The following TM7SF3 variants were observed in gnomAD, a reference collection of about 807,000 sequenced individuals.
TM7SF3 encodes the protein transmembrane 7 superfamily member 3, also known as seven span transmembrane protein.
A neutral mutation model predicts 65.5 loss-of-function variants in TM7SF3; 60 were observed. The ratio of observed to expected loss-of-function variants is 0.92; its 90% CI spans 0.74 to 1.14. The LOEUF (loss-of-function observed/expected upper bound fraction) is 1.14, where lower values mean the gene tolerates loss of function less well. TM7SF3 is among the 50% of genes most tolerant of loss of function. The pLI, the probability that TM7SF3 is intolerant of heterozygous loss-of-function variation, is 0.00. For missense variants in TM7SF3, 623 were observed against 684.8 expected (o/e 0.91, Z 1.01); for synonymous variants, 264 against 259.6 (o/e 1.02, Z -0.16).
At chr12:26,984,586 T>G (rs959906234) in intron 6 of TM7SF3, among the ~76,000 whole-genome samples, 22 of 152,204 alleles carry the variant, frequency 1.4e-4, no homozygotes, top group Admixed American at 1.4e-3. Context: ...TTTTCTCAAA[T>G]GAAAATCCCG....
At chr12:27,000,405 G>A (rs773036266) in intron 2 of TM7SF3, among the ~76,000 whole-genome samples, 2 of 152,084 alleles carry the variant, frequency 1.3e-5, no homozygotes, top group African/African-American at 2.4e-5. Context: ...TTCAGTTTTC[G>A]AGGTACCTTT....
At chr12:26,983,293 A>G (rs953896130) in intron 6 of TM7SF3, among the ~76,000 whole-genome samples, 1 of 152,174 alleles carries the variant, frequency 6.6e-6, no homozygotes, top group Non-Finnish European at 1.5e-5. Flanking sequence ...TAAAAGACAC[A>G]TCAACTAAAT....
At chr12:26,975,423 T>G (rs932000864) in intron 11 of TM7SF3, 73 bp downstream of exon 11, 65 of 1,502,120 alleles carry the variant, frequency 4.3e-5, no homozygotes, top group Non-Finnish European at 5.8e-5. Context: ...AGTTTCCAAG[T>G]GCTCTGGTTA....
At chr12:27,005,279 T>C (rs923198954) in intron 1 of TM7SF3, among the ~76,000 whole-genome samples, 3 of 152,190 alleles carry the variant, frequency 2.0e-5, no homozygotes, top group African/African-American at 7.2e-5. Context: ...TCACTTACTA[T>C]CCTGCCTTTT....
Position 26,972,428 on chromosome 12 carries a change from T to A in TM7SF3, c.*1537A>T, listed in dbSNP as rs1319419721. 1.3e-5 allele frequency: 2 copies of A among 152,178 alleles called. No individual in the cohort carries two copies. The highest frequency in any genetic ancestry group is 2.9e-5 in the Non-Finnish European group (2 of 68,030). 9.4% of individuals were successfully genotyped at this position (152,178 alleles called of 1,614,324 possible). ...ATTAATGGCAATACAGACTTTTTTT[T>A]TTTTTGAGACGGAGTCTCGCTCTGT... On this transcript the variant is annotated 3_prime_UTR_variant, in exon 12 of 12. Transcript: ENST00000343028.
chr12:27,006,941 T>C (rs1941061620), intron 1 of TM7SF3, among the ~76,000 whole-genome samples: 2 of 152,228 alleles, frequency 1.3e-5, no homozygotes, highest in Admixed American at 1.3e-4. Flanking sequence ...TGTGGAAGAC[T>C]ATTCCAGAAA....
At chr12:26,985,120 G>A (rs1211179978) in intron 6 of TM7SF3, among the ~76,000 whole-genome samples, 2 of 152,120 alleles carry the variant, frequency 1.3e-5, no homozygotes, top group Non-Finnish European at 2.9e-5. Context: ...CAGGCCTGGG[G>A]GCCTTTCTAT....
intron 1 of TM7SF3, among the ~76,000 whole-genome samples, chr12:27,003,894 C>T (rs953054568): frequency 1.3e-5 from 2 of 152,266 alleles, no homozygotes; most frequent in African/African-American, 4.8e-5. Context: ...TCCCCTTAAG[C>T]CTCAATTTCC....
chr12:26,973,098 G>C lies in TM7SF3; in HGVS notation c.*867C>G, dbSNP rs1939426804. 1 of 151,218 alleles carries C rather than the reference G, an allele frequency of 6.6e-6. No homozygotes were observed. Among genetic ancestry groups the C allele is most frequent in the Non-Finnish European group, 1.5e-5 (1 of 67,876 alleles). 9.4% of individuals were successfully genotyped at this position (151,218 alleles called of 1,614,324 possible). On this transcript the variant is annotated 3_prime_UTR_variant, in exon 12 of 12. Coordinates refer to ENST00000343028, the MANE Select transcript of TM7SF3 (RefSeq NM_016551.3). ...TAAAAAATACTGAAAAAAAAACAAA[G>C]GGTAACTTTTGGATAATGTATGATA...
chr12:26,992,485 C>T (rs1161925535), intron 5 of TM7SF3, among the ~76,000 whole-genome samples: 1 of 152,138 alleles, frequency 6.6e-6, no homozygotes, highest in East Asian at 1.9e-4. Flanking sequence ...AGGGTTTCAC[C>T]CTGTTAGCCA....
In TM7SF3 at chr12:26,972,376, A is replaced by C. The variant is rs1374370569; in HGVS notation, c.*1589T>G. On this transcript the variant is annotated 3_prime_UTR_variant, in exon 12 of 12. Transcript: ENST00000343028. ...AGCTAATTGAGCAGAAAGAACTATG[A>C]AGTACAAATTTTTCTAAGGTTTTCT... 1 of 152,108 alleles carries C rather than the reference A, an allele frequency of 6.6e-6. No homozygotes were observed. The highest frequency in any genetic ancestry group is 1.5e-5 in the Non-Finnish European group (1 of 68,030). 9.4% of individuals were successfully genotyped at this position (152,108 alleles called of 1,614,324 possible).
At chr12:27,010,368 C>T (rs143023136) in intron 1 of TM7SF3, among the ~76,000 whole-genome samples, 5 of 152,348 alleles carry the variant, frequency 3.3e-5, no homozygotes, top group Admixed American at 3.3e-4. Flanking sequence ...CTAACATGTA[C>T]AGGGCATTCA....
intron 6 of TM7SF3, among the ~76,000 whole-genome samples, chr12:26,988,597 A>G (rs982769915): frequency 6.6e-6 from 1 of 152,178 alleles, no homozygotes; most frequent in Non-Finnish European, 1.5e-5. Flanking sequence ...ATGTAAGGAA[A>G]TAAATACAGA....
chr12:27,007,635 A>G (rs1314402367), intron 1 of TM7SF3, among the ~76,000 whole-genome samples: 1 of 152,138 alleles, frequency 6.6e-6, no homozygotes, highest in African/African-American at 2.4e-5. Flanking sequence ...ACAAATATCC[A>G]TTAAATACTA....
chr12:26,988,672 T>TTGTGTG (rs147021582), intron 6 of TM7SF3, among the ~76,000 whole-genome samples: 17,635 of 146,184 alleles, frequency 0.12, 1,194 homozygotes, highest in Non-Finnish European at 0.16. Flanking sequence ...GAGAAGAAAA[T>TTGTGTG]TGTGTGTGTG....
intron 1 of TM7SF3, chr12:27,012,817 G>A (rs1208748093): frequency 1.2e-5 from 5 of 427,706 alleles, no homozygotes; most frequent in Non-Finnish European, 2.3e-5. Flanking sequence ...GAACAACATG[G>A]TGAAACCCCG....
intron 5 of TM7SF3, among the ~76,000 whole-genome samples, chr12:26,993,266 G>A (rs548695430): frequency 6.6e-6 from 1 of 152,118 alleles, no homozygotes; most frequent in South Asian, 2.1e-4. Context: ...TCCATGCATG[G>A]TGTTTACGGC....
rs866077721 is a variant in TM7SF3, at chr12:26,985,674, T to C, written c.869-2815A>G. ...AAAAATATATATATATATATATATA[T>C]ATATACACACACACAAACATATCTG... On this transcript the variant is annotated intron_variant, in intron 6 of 11. Coordinates refer to ENST00000343028, the MANE Select transcript of TM7SF3 (RefSeq NM_016551.3). Among the ~76,000 whole-genome samples the C allele has an allele frequency of 1.8e-3, 206 of 111,866 alleles. 1 individual carries two copies. The highest frequency in any genetic ancestry group is 0.011 in the Middle Eastern group (2 of 188). The allele number at this position is 111,866 out of a possible 152,430, so 73.4% of individuals were successfully genotyped here.
At chr12:26,989,411 T>C (rs1207028528) in intron 6 of TM7SF3, among the ~76,000 whole-genome samples, 1 of 152,042 alleles carries the variant, frequency 6.6e-6, no homozygotes, top group Non-Finnish European at 1.5e-5. Context: ...CACTCCAGAT[T>C]GGGCAACAGG....
Sources: allele counts gnomAD v4.1 joint callset (sites outside exome capture counted in the v4.1 genomes callset), GRCh38; gene constraint gnomAD v4.1.1; transcripts MANE v1.5; gene names NCBI Gene and HGNC (gene_info 2026-07-23, HGNC 2026-07-21).